The following TEX36 variants were observed in gnomAD, a reference collection of about 807,000 sequenced individuals.
TEX36 encodes the protein testis expressed 36.
TEX36 carries 12 observed loss-of-function variants against 13.6 expected under a neutral mutation model. The observed-to-expected ratio is 0.88, with a 90% CI of 0.56 to 1.43. TEX36 has a LOEUF of 1.43. Ranked by LOEUF, TEX36 falls within the 40% of genes most tolerant of loss-of-function variation. The probability of loss-of-function intolerance (pLI) is 0.00; values close to 1 mark genes in which losing one functional copy is unlikely to be tolerated. For missense variants in TEX36, 224 were observed against 228.3 expected, an observed-to-expected ratio of 0.98 and a Z score of 0.12; for synonymous variants, 93 against 83.0, an observed-to-expected ratio of 1.12 and a Z score of -0.65.
At chr10:125,664,298 C>T (rs1429408400) in intron 1 of TEX36, among the ~76,000 whole-genome samples, 1 of 152,202 alleles carries the variant, frequency 6.6e-6, no homozygotes, top group African/African-American at 2.4e-5. Context: ...CTGCAATAAA[C>T]ATGGGAGTGC....
intron 3 of TEX36, among the ~76,000 whole-genome samples, chr10:125,599,776 G>A (rs1846123316): frequency 6.6e-6 from 1 of 152,072 alleles, no homozygotes; most frequent in Non-Finnish European, 1.5e-5. Context: ...TTCTGAATGC[G>A]CAATGGTCAG....
Position 125,678,786 on chromosome 10 carries a change from G to C in TEX36, c.51+4153C>G, listed in dbSNP as rs545837608. 4.6e-5 allele frequency among the ~76,000 whole-genome samples: 7 copies of C among 152,262 alleles called. No homozygotes were observed. In the South Asian group the frequency reaches 1.5e-3, roughly 32 times the overall value. On this transcript the variant is annotated intron_variant, in intron 1 of 3. Coordinates refer to ENST00000368821, the MANE Select transcript of TEX36 (RefSeq NM_001128202.3). ...AGTTCCCTGGGAGGAGTGTACTCAA[G>C]GTGGTAGATGGGTTGGGCAAGCTCA...
chr10:125,617,449 GC>G (rs1846374464), downstream of TEX36, among the ~76,000 whole-genome samples: 2 of 152,084 alleles, frequency 1.3e-5, no homozygotes, highest in African/African-American at 4.8e-5. Flanking sequence ...CATGCTTAGC[GC>G]TTCCTTCAGG....
At chr10:125,585,076 G>T (rs958867770) in intron 3 of TEX36, among the ~76,000 whole-genome samples, 2 of 152,168 alleles carry the variant, frequency 1.3e-5, no homozygotes, top group Non-Finnish European at 2.9e-5. Context: ...TCCGGGAAGA[G>T]ACCTTGAGAA....
chr10:125,655,015 A>G (rs1159489381), downstream of TEX36, among the ~76,000 whole-genome samples: 1 of 152,238 alleles, frequency 6.6e-6, no homozygotes, highest in Non-Finnish European at 1.5e-5. Context: ...GCTAGAAATG[A>G]TTCAAATGTC....
chr10:125,653,246 AT>A (rs1846890237), downstream of TEX36, among the ~76,000 whole-genome samples: 1 of 152,198 alleles, frequency 6.6e-6, no homozygotes, highest in Non-Finnish European at 1.5e-5. Flanking sequence ...CCAAATGTCC[AT>A]CAATGACAGA....
rs527467205 is a variant in TEX36 at position 125,630,242 on chromosome 10, A to G, written c.265-8597T>C. ...GCATAACAAGTTACCCCAGAACTTCATGGTGTAAAATGTCCATTCTCCGAG... is the reference window on the plus strand; with the variant it reads ...GCATAACAAGTTACCCCAGAACTTCGTGGTGTAAAATGTCCATTCTCCGAG... On this transcript the variant is annotated intron_variant, in intron 3 of 3. Transcript: ENST00000526819. Among the ~76,000 whole-genome samples, 15 of 152,310 alleles carry G rather than the reference A, an allele frequency of 9.8e-5. No homozygotes were observed. The South Asian group carries it at 2.7e-3, about 27-fold the overall frequency.
At chr10:125,626,715 C>T (rs1206273229) in intron 3 of TEX36, among the ~76,000 whole-genome samples, 4 of 152,112 alleles carry the variant, frequency 2.6e-5, no homozygotes, top group Non-Finnish European at 4.4e-5. Flanking sequence ...GGTGGGAACT[C>T]GGAACCAGCA....
chr10:125,626,530 G>A (rs1846492885), intron 3 of TEX36, among the ~76,000 whole-genome samples: 1 of 152,212 alleles, frequency 6.6e-6, no homozygotes, highest in Non-Finnish European at 1.5e-5. Flanking sequence ...GCTCCACACA[G>A]AAGTGAAGAT....
intron 3 of TEX36, among the ~76,000 whole-genome samples, chr10:125,590,197 C>G (rs949724314): frequency 6.6e-6 from 1 of 152,166 alleles, no homozygotes; most frequent in Non-Finnish European, 1.5e-5. Context: ...TCACTGCAGT[C>G]TCCACCTCCT....
chr10:125,582,163 G>A (rs1461319622), intron 3 of TEX36, among the ~76,000 whole-genome samples: 2 of 152,202 alleles, frequency 1.3e-5, no homozygotes, highest in Non-Finnish European at 2.9e-5. Flanking sequence ...GCAGCATCCC[G>A]CAGGGGTGGG....
downstream of TEX36, among the ~76,000 whole-genome samples, chr10:125,655,466 A>C (rs1846923693): frequency 1.3e-5 from 2 of 152,124 alleles, no homozygotes; most frequent in African/African-American, 4.8e-5. Flanking sequence ...AAGTTGTAGA[A>C]TATTTTGCAC....
At position 125,588,357 on chromosome 10, in the gene TEX36, G is replaced by A. The variant is rs116407328; in HGVS notation, c.265-11483C>T. ...TTGATTTCACTTACTGTGAATATGCGTTAGTCCATTTTTGCATTGCTTTAG... is the reference window on the plus strand; with the variant it reads ...TTGATTTCACTTACTGTGAATATGCATTAGTCCATTTTTGCATTGCTTTAG... On this transcript the variant is annotated intron_variant, in intron 3 of 3. Transcript: ENST00000532135. 6.2e-3 allele frequency among the ~76,000 whole-genome samples: 941 copies of A among 152,274 alleles called. 10 individuals are homozygous for A. Among genetic ancestry groups the A allele is most frequent in the African/African-American group, 0.016 (684 of 41,564 alleles).
chr10:125,661,997 CTTGA>C lies in TEX36; in HGVS notation c.52-24_52-21del. ...AGGGAACTGGAAGAACAGCACACGC[CTTGA>C]TTAAAACCAGACACATTTGAATCTA... On this transcript the variant is annotated intron_variant, in intron 1 of 3. Transcript: ENST00000368821. 6.4e-7 allele frequency: 1 copy of C among 1,552,354 alleles called. No individual in the cohort carries two copies. Among genetic ancestry groups the C allele is most frequent in the Non-Finnish European group, 8.7e-7 (1 of 1,147,114 alleles).
At chr10:125,679,222 A>G (rs1847358788) in intron 1 of TEX36, among the ~76,000 whole-genome samples, 1 of 144,648 alleles carries the variant, frequency 6.9e-6, no homozygotes, top group East Asian at 2.1e-4. Context: ...GGCAGTGCTC[A>G]CTACCCAGCA....
At chr10:125,668,938 C>T (rs991834494) in intron 1 of TEX36, among the ~76,000 whole-genome samples, 1 of 152,080 alleles carries the variant, frequency 6.6e-6, no homozygotes, top group African/African-American at 2.4e-5. Context: ...GCAGGTGGAT[C>T]ACCTGAGGTC....
At chr10:125,668,270 C>G (rs1847159853) in intron 1 of TEX36, among the ~76,000 whole-genome samples, 1 of 151,740 alleles carries the variant, frequency 6.6e-6, no homozygotes, top group Admixed American at 6.6e-5. Context: ...TAAAATTCAG[C>G]TGTGAATCCA....
intron 3 of TEX36, among the ~76,000 whole-genome samples, chr10:125,577,267 C>T (rs1400685360): frequency 6.6e-6 from 1 of 152,086 alleles, no homozygotes; most frequent in Non-Finnish European, 1.5e-5. Flanking sequence ...GTGGTGGAGG[C>T]AGGAGGATTG....
intron 1 of TEX36, 151 bp downstream of exon 1, chr10:125,682,788 G>T (rs12414666): frequency 0.21 from 177,953 of 842,410 alleles, 28,989 homozygotes; most frequent in African/African-American, 0.6. Flanking sequence ...GGATTCCCAT[G>T]TCACAGATGA....
Sources: allele counts gnomAD v4.1 joint callset (sites outside exome capture counted in the v4.1 genomes callset), GRCh38; gene constraint gnomAD v4.1.1; transcripts MANE v1.5; gene names NCBI Gene and HGNC (gene_info 2026-07-23, HGNC 2026-07-21).